Variants in ADAM7 observed in about 807,000 individuals in gnomAD.
ADAM7 encodes ADAM metallopeptidase domain 7, also known as disintegrin and metalloproteinase domain-containing protein 7.
In ADAM7, 97 loss-of-function variants were observed where a neutral mutation model predicts 102.9. That is an observed-to-expected ratio of 0.94 (90% CI 0.80 to 1.12). ADAM7 has a LOEUF of 1.12. ADAM7 is among the 50% of genes most tolerant of loss of function. The pLI, the probability that ADAM7 is intolerant of heterozygous loss-of-function variation, is 0.00. For synonymous variants in ADAM7, 334 were observed against 304.4 expected, an observed-to-expected ratio of 1.10 and a Z score of -1.01; for missense variants, 991 against 908.7, an observed-to-expected ratio of 1.09 and a Z score of -1.16.
intron 5 of ADAM7, 143 bp from the exon 6 acceptor site, chr8:24,466,656 A>G (rs772896402): frequency 1.2e-5 from 8 of 662,160 alleles, no homozygotes; most frequent in Non-Finnish European, 2.0e-5. Context: ...ATATCATCAC[A>G]TTTCCTTACC....
intron 1 of ADAM7, 95 bp downstream of exon 1, chr8:24,441,255 A>G: frequency 6.4e-6 from 8 of 1,259,110 alleles, no homozygotes; most frequent in Non-Finnish European, 9.2e-6. Flanking sequence ...TAAAAACATT[A>G]AACGTTGATG....
At chr8:24,449,859 T>C (rs1020249317) in intron 3 of ADAM7, among the ~76,000 whole-genome samples, 3 of 152,254 alleles carry the variant, frequency 2.0e-5, no homozygotes, top group African/African-American at 7.2e-5. Flanking sequence ...GTTTCAGCTT[T>C]CTACATATGG....
Position 24,481,195 on chromosome 8 carries a change from G to C in ADAM7, c.706-947G>C, listed in dbSNP as rs553443988. ...GTCTAACTTCGGGAGAGTTTAAAAG[G>C]CACCTAATTCCCATGATTATGAAAT... On this transcript the variant is annotated intron_variant, in intron 8 of 21. Coordinates refer to ENST00000175238, the MANE Select transcript of ADAM7 (RefSeq NM_003817.4). 4.6e-5 allele frequency among the ~76,000 whole-genome samples: 7 copies of C among 152,220 alleles called. No homozygotes were observed. The East Asian group carries it at 1.4e-3, about 29-fold the overall frequency.
chr8:24,507,347 T>G (rs974822939), intron 20 of ADAM7, 133 bp from the exon 21 acceptor site: 19 of 648,954 alleles, frequency 2.9e-5, no homozygotes, highest in Non-Finnish European at 4.9e-5. Flanking sequence ...CTTGGATTTT[T>G]CATGGAGCAA....
At chr8:24,469,974 A>G (rs1421642777) in intron 7 of ADAM7, among the ~76,000 whole-genome samples, 1 of 152,146 alleles carries the variant, frequency 6.6e-6, no homozygotes, top group African/African-American at 2.4e-5. Flanking sequence ...TTCAGAATAT[A>G]AAGCTTATAA....
intron 5 of ADAM7, among the ~76,000 whole-genome samples, 189 bp downstream of exon 5, chr8:24,465,964 T>TA (rs780828607): frequency 1.3e-5 from 2 of 152,218 alleles, no homozygotes; most frequent in Non-Finnish European, 2.9e-5. Flanking sequence ...GCCTAATGCA[T>TA]AGTCCTGAAC....
chr8:24,495,499 G>A (rs116572893), intron 16 of ADAM7, among the ~76,000 whole-genome samples: 2,273 of 152,210 alleles, frequency 0.015, 60 homozygotes, highest in African/African-American at 0.052. Context: ...TACAATACTG[G>A]AATAAAAATA....
chr8:24,475,955 G>A, intron 7 of ADAM7: 1 of 456,314 alleles, frequency 2.2e-6, no homozygotes, highest in South Asian at 1.6e-5. Flanking sequence ...ACAGTTTCCT[G>A]TCCCTCTTCA....
chr8:24,451,183 T>G (rs1474319097), intron 3 of ADAM7, among the ~76,000 whole-genome samples: 1 of 151,724 alleles, frequency 6.6e-6, no homozygotes, highest in Non-Finnish European at 1.5e-5. Context: ...TTAGGGAGGA[T>G]TCCCTCTTTT....
At chr8:24,487,584 G>A (rs746336216) in intron 11 of ADAM7, among the ~76,000 whole-genome samples, 5 of 150,044 alleles carry the variant, frequency 3.3e-5, no homozygotes, top group East Asian at 2.0e-4. Flanking sequence ...GCCGTGAGCC[G>A]AGATCATGCC....
chr8:24,467,148 G>A, intron 6 of ADAM7, 160 bp downstream of exon 6: 1 of 662,166 alleles, frequency 1.5e-6, no homozygotes, highest in South Asian at 2.0e-5. Context: ...TCTTGTCTAT[G>A]TAAAAAGTGT....
intron 2 of ADAM7, among the ~76,000 whole-genome samples, chr8:24,444,388 C>A (rs1006326626): frequency 5.3e-5 from 8 of 151,828 alleles, no homozygotes; most frequent in Non-Finnish European, 1.2e-4. Flanking sequence ...AATCCCCACC[C>A]ATTAAGTGTG....
Position 24,442,567 on chromosome 8 carries a change from T to C in ADAM7, c.147T>C (p.Asp49=). Residue 49 remains aspartate (D), a synonymous_variant, in exon 2 of 22, where the codon GAT becomes GAC. Coordinates refer to ENST00000175238, the MANE Select transcript of ADAM7 (RefSeq NM_003817.4). ...GAGATACTGGACACACCCATGATGA[T>C]GACATACTGGTACAAGTTTTGATTT... ...QKRDTGHTHD[D]DILKTYEEEL... 5.6e-6 allele frequency: 9 copies of C among 1,612,916 alleles called. No individual in the cohort carries two copies. Among genetic ancestry groups the C allele is most frequent in the Non-Finnish European group, 7.6e-6 (9 of 1,178,878 alleles).
At chr8:24,468,514 T>A (rs145807226) in intron 6 of ADAM7, among the ~76,000 whole-genome samples, 129 of 150,820 alleles carry the variant, frequency 8.6e-4, no homozygotes, top group African/African-American at 2.9e-3. Flanking sequence ...AAAATAAAAT[T>A]AAATTTAAAA....
Position 24,508,829 on chromosome 8 carries a change from T to G in ADAM7, c.*283T>G. 1.6e-6 allele frequency: 2 copies of G among 1,222,164 alleles called. No individual in the cohort carries two copies. The highest frequency in any genetic ancestry group is 3.3e-5 in the East Asian group (1 of 30,190). The allele number at this position is 1,222,164 out of a possible 1,614,324, so 75.7% of individuals were successfully genotyped here. A position where few individuals can be genotyped will look rare whatever the true frequency, so the allele number is the denominator to read the frequency against. On this transcript the variant is annotated 3_prime_UTR_variant, in exon 22 of 22. Transcript: ENST00000175238. ...ATAAAAATTCGTAACCTTGCTGTAG[T>G]ATTTTCCTACAAAATGTTACTCTGC...
chr8:24,451,573 A>C (rs1195519199), intron 3 of ADAM7, among the ~76,000 whole-genome samples: 2 of 152,038 alleles, frequency 1.3e-5, no homozygotes, highest in African/African-American at 4.8e-5. Context: ...GTGGTCTAAC[A>C]ATTTTGTTGA....
At chr8:24,500,393 A>G in intron 18 of ADAM7, 137 bp downstream of exon 18, 3 of 723,806 alleles carry the variant, frequency 4.1e-6, no homozygotes, top group Non-Finnish European at 4.5e-6. Context: ...TTGTGCATGA[A>G]TACCCAAATT....
intron 14 of ADAM7, 184 bp downstream of exon 14, chr8:24,492,282 C>T (rs1563393035): frequency 4.4e-6 from 3 of 689,204 alleles, no homozygotes; most frequent in Non-Finnish European, 4.7e-6. Context: ...TATTAACTAT[C>T]TCAGTATATG....
intron 14 of ADAM7, 25 bp downstream of exon 14, chr8:24,492,123 T>A: frequency 6.3e-7 from 1 of 1,597,288 alleles, no homozygotes; most frequent in Non-Finnish European, 8.5e-7. Flanking sequence ...CAGTGAAGTA[T>A]TCACACAGAT....
Sources: allele counts gnomAD v4.1 joint callset (sites outside exome capture counted in the v4.1 genomes callset), GRCh38; gene constraint gnomAD v4.1.1; transcripts MANE v1.5; gene names NCBI Gene and HGNC (gene_info 2026-07-23, HGNC 2026-07-21).